The following PFKFB3 variants were observed in gnomAD, a reference collection of about 807,000 sequenced individuals.
The protein encoded by PFKFB3 is 6-phosphofructo-2-kinase/fructose-2,6-bisphosphatase 3.
PFKFB3 carries 33 observed loss-of-function variants against 68.0 expected under a neutral mutation model. That is an observed-to-expected ratio of 0.49 (90% CI 0.37 to 0.65). The LOEUF (loss-of-function observed/expected upper bound fraction) is 0.65, where lower values mean the gene tolerates loss of function less well. PFKFB3 is among the 30% of genes least tolerant of loss of function. PFKFB3 has a pLI of 0.00. For synonymous variants in PFKFB3, 315 were observed against 288.2 expected (o/e 1.09, Z -0.94); for missense variants, 586 against 712.2 (o/e 0.82, Z 2.02).
chr10:6,222,147 T>C (rs2025720), intron 10 of PFKFB3, among the ~76,000 whole-genome samples: 130,861 of 151,998 alleles, frequency 0.86, 58,523 homozygotes, highest in East Asian at 1. Flanking sequence ...CTCCTGGGCC[T>C]GGTGTGTCCT....
chr10:6,239,686 T>G (rs1469124354), downstream of PFKFB3, among the ~76,000 whole-genome samples: 2 of 152,182 alleles, frequency 1.3e-5, no homozygotes, highest in Non-Finnish European at 2.9e-5. Flanking sequence ...TCTAATATTT[T>G]TTTTTGAGAG....
chr10:6,203,192 G>T lies in PFKFB3; in HGVS notation c.-69G>T. ...CCTCTCCTCCTTTGTTCCGGGGGTC[G>T]GCGGCCGCTCTCCTGCCAGCGTCGG... On this transcript the variant is annotated 5_prime_UTR_variant, in exon 1 of 15. Transcript: ENST00000379775. 1.9e-6 allele frequency: 3 copies of T among 1,569,268 alleles called. No individual in the cohort carries two copies.
At chr10:6,239,079 A>G (rs75340186), downstream of PFKFB3, among the ~76,000 whole-genome samples, 2,537 of 152,288 alleles carry the variant, frequency 0.017, 65 homozygotes, top group African/African-American at 0.059. Context: ...CTTTGGGTAT[A>G]TAGCCAGTAA....
At position 6,212,894 on chromosome 10, in the gene PFKFB3, C is replaced by T. The variant is rs556667653; in HGVS notation, c.77-729C>T. On this transcript the variant is annotated intron_variant, in intron 1 of 14. Transcript: ENST00000379775. ...GGAGGTTTGGATATTGATGGTGGGC[C>T]TCTCTGTCTCTTGACCCCTGGGCCC... 1.2e-3 allele frequency among the ~76,000 whole-genome samples: 186 copies of T among 152,234 alleles called. 1 individual carries two copies. Among genetic ancestry groups the T allele is most frequent in the Non-Finnish European group, 4.3e-4 (29 of 68,014 alleles).
the PFKFB3 span, among the ~76,000 whole-genome samples, chr10:6,276,838 TTGTGTG>T: frequency 0.018 from 2,626 of 147,292 alleles, 76 homozygotes; most frequent in African/African-American, 0.062. Flanking sequence ...TTATATGTAT[TTGTGTG>T]TGTGTGTGTG....
chr10:6,171,527 C>T (rs2131744941), intron 1 of PFKFB3, among the ~76,000 whole-genome samples: 1 of 152,060 alleles, frequency 6.6e-6, no homozygotes, highest in African/African-American at 2.4e-5. Flanking sequence ...TCCCAAGAAG[C>T]TGGGACTATA....
At chr10:6,203,426 C>CA in intron 1 of PFKFB3, 90 bp downstream of exon 1, 13 of 863,536 alleles carry the variant, frequency 1.5e-5, no homozygotes, top group Non-Finnish European at 2.1e-5. Flanking sequence ...CGCCCCTCTG[C>CA]GGGGGGCGCG....
chr10:6,271,429 G>A, the PFKFB3 span, among the ~76,000 whole-genome samples: 1 of 152,238 alleles, frequency 6.6e-6, no homozygotes, highest in South Asian at 2.1e-4. Flanking sequence ...AACTTCAGAT[G>A]TGTCTATTGA....
chr10:6,203,345 A>C lies in PFKFB3; in HGVS notation c.76+9A>C, dbSNP rs1457225608. On this transcript the variant is annotated intron_variant, in intron 1 of 14. Transcript: ENST00000379775. ...GCCCTCGTTGCCCAGATGTGAGTGC[A>C]GCTGCGCGGAGCCGGGTTGCAGGGC... 6.3e-7 allele frequency: 1 copy of C among 1,593,538 alleles called. No individual in the cohort carries two copies. The highest frequency in any genetic ancestry group is 8.5e-7 in the Non-Finnish European group (1 of 1,170,128).
the PFKFB3 span, among the ~76,000 whole-genome samples, chr10:6,318,528 C>T: frequency 2.6e-5 from 4 of 152,208 alleles, no homozygotes; most frequent in Admixed American, 6.5e-5. Flanking sequence ...TCTGCCTGCA[C>T]GCCCGAGGCT....
intron 14 of PFKFB3, among the ~76,000 whole-genome samples, chr10:6,250,564 C>T (rs552364583): frequency 9.5e-5 from 13 of 137,506 alleles, no homozygotes; most frequent in South Asian, 4.9e-4. Flanking sequence ...GAGCGAGACT[C>T]GGTCTCAAAA....
Position 6,235,341 on chromosome 10 carries a change from A to G in PFKFB3, c.*2399A>G, listed in dbSNP as rs1845973195. 2 of 152,556 alleles carry G rather than the reference A, an allele frequency of 1.3e-5. No individual in the cohort carries two copies. The highest frequency in any genetic ancestry group is 4.1e-4 in the South Asian group (2 of 4,830). The allele number at this position is 152,556 out of a possible 1,614,324, so 9.5% of individuals were successfully genotyped here. ...AGGAGCCTAAACAATAGAAAGCTGT[A>G]GAGATTGGGTTTCATTGTTAATTGG... On this transcript the variant is annotated 3_prime_UTR_variant, in exon 15 of 15. Coordinates refer to ENST00000379775, the MANE Select transcript of PFKFB3 (RefSeq NM_004566.4).
intron 1 of PFKFB3, among the ~76,000 whole-genome samples, chr10:6,156,952 C>T (rs909099701): frequency 1.3e-5 from 2 of 151,130 alleles, no homozygotes; most frequent in East Asian, 2.1e-4. Context: ...ATTAGCTGGG[C>T]GTGGTGGCAG....
At chr10:6,231,807 C>G (rs922425835) in intron 14 of PFKFB3, among the ~76,000 whole-genome samples, 3 of 151,640 alleles carry the variant, frequency 2.0e-5, no homozygotes, top group Non-Finnish European at 4.4e-5. Flanking sequence ...CTGGCAGGCA[C>G]CTATCACCTC....
At chr10:6,194,219 C>T (rs946532269) in intron 1 of PFKFB3, among the ~76,000 whole-genome samples, 14 of 101,574 alleles carry the variant, frequency 1.4e-4, no homozygotes, top group Non-Finnish European at 3.2e-4. Flanking sequence ...CTTGCCCTCC[C>T]ATTCCTATTG....
intron 1 of PFKFB3, among the ~76,000 whole-genome samples, chr10:6,207,627 C>T (rs755666730): frequency 3.3e-5 from 5 of 152,152 alleles, no homozygotes; most frequent in South Asian, 2.1e-4. Context: ...GTGTCTAGGA[C>T]CCTGCTTTTT....
the PFKFB3 span, among the ~76,000 whole-genome samples, chr10:6,303,654 A>C: frequency 6.6e-6 from 1 of 151,998 alleles, no homozygotes; most frequent in Non-Finnish European, 1.5e-5. Context: ...CTCTACAAAA[A>C]ATACAAAAAT....
chr10:6,174,882 C>G (rs1842418400), intron 1 of PFKFB3, among the ~76,000 whole-genome samples: 1 of 150,802 alleles, frequency 6.6e-6, no homozygotes, highest in South Asian at 2.1e-4. Flanking sequence ...GTGGCACGAT[C>G]TCGGCTCACT....
intron 1 of PFKFB3, among the ~76,000 whole-genome samples, chr10:6,149,173 G>C (rs1392917023): frequency 6.6e-6 from 1 of 152,196 alleles, no homozygotes; most frequent in African/African-American, 2.4e-5. Flanking sequence ...TGAATAAATC[G>C]TTGAGGTCCT....
Sources: gnomAD v4.1 joint callset for allele counts (sites outside exome capture counted in the v4.1 genomes callset) on GRCh38, gnomAD v4.1.1 for gene constraint, MANE v1.5 for transcripts, NCBI Gene and HGNC (gene_info 2026-07-23, HGNC 2026-07-21) for gene names.